The following INIP variants were observed in gnomAD, a reference collection of about 807,000 sequenced individuals.
The protein encoded by INIP is INTS3 and NABP interacting protein.
A neutral mutation model predicts 14.0 loss-of-function variants in INIP; 9 were observed. The ratio of observed to expected loss-of-function variants is 0.64; its 90% CI spans 0.39 to 1.12. The LOEUF (loss-of-function observed/expected upper bound fraction) is 1.12, where lower values mean the gene tolerates loss of function less well. INIP is among the 50% of genes most tolerant of loss of function. The pLI is 0.01. For synonymous variants in INIP, 37 were observed against 41.5 expected (o/e 0.89, Z 0.41); for missense variants, 78 against 122.7 (o/e 0.64, Z 1.72).
chr9:112,689,746 T>C, intron 3 of INIP, 129 bp from the exon 4 acceptor site: 1 of 623,140 alleles, frequency 1.6e-6, no homozygotes, highest in Non-Finnish European at 2.9e-6. Context: ...ATACTTCCAG[T>C]GTACAATATG....
chr9:112,707,261 A>G (rs1223964494), intron 2 of INIP, among the ~76,000 whole-genome samples: 1 of 149,188 alleles, frequency 6.7e-6, no homozygotes, highest in Admixed American at 6.7e-5. Context: ...TTTTTTTTTA[A>G]ACCAAGCCAT....
rs376602600 is a variant in INIP at position 112,706,152 on chromosome 9, TATC to T, written c.25+10306_25+10308del. On this transcript the variant is annotated intron_variant, in intron 2 of 4. Transcript: ENST00000374242. ...AATGCAAATCAAAACTACAGTGAGA[TATC>T]ATCTCACCTCAGTCAAAATGGCTTT... Among the ~76,000 whole-genome samples, 382 of 152,326 alleles carry T rather than the reference TATC, an allele frequency of 2.5e-3. 2 individuals carry two copies. In the South Asian group the frequency reaches 0.027, roughly 11 times the overall value.
intron 2 of INIP, among the ~76,000 whole-genome samples, chr9:112,698,663 C>T (rs1838187221): frequency 6.6e-5 from 10 of 152,212 alleles, no homozygotes; most frequent in Admixed American, 5.9e-4. Context: ...TGTACCCCAA[C>T]CCTGACCCCA....
intron 2 of INIP, among the ~76,000 whole-genome samples, chr9:112,696,976 A>G (rs540419440): frequency 1.3e-5 from 2 of 152,258 alleles, no homozygotes; most frequent in Non-Finnish European, 2.9e-5. Flanking sequence ...TCCATTACAT[A>G]GGCATGATTG....
intron 2 of INIP, among the ~76,000 whole-genome samples, chr9:112,715,990 A>G (rs896464865): frequency 4.7e-4 from 72 of 152,174 alleles, no homozygotes; most frequent in African/African-American, 1.7e-3. Flanking sequence ...ACCATCCTAT[A>G]AGCAGTCTGT....
intron 2 of INIP, among the ~76,000 whole-genome samples, chr9:112,699,525 A>T (rs1838218299): frequency 6.6e-6 from 1 of 152,140 alleles, no homozygotes; most frequent in African/African-American, 2.4e-5. Flanking sequence ...ATAATTGTTA[A>T]TTGTATTATT....
At chr9:112,705,334 G>A (rs965416718) in intron 2 of INIP, among the ~76,000 whole-genome samples, 1 of 151,888 alleles carries the variant, frequency 6.6e-6, no homozygotes, top group African/African-American at 2.4e-5. Context: ...TTTGAGACAA[G>A]GTCTCGCTCT....
chr9:112,713,564 A>T (rs953528860), intron 2 of INIP, among the ~76,000 whole-genome samples: 1 of 152,140 alleles, frequency 6.6e-6, no homozygotes, highest in African/African-American at 2.4e-5. Context: ...ATGGTGATGC[A>T]TGCATGCAGT....
At chr9:112,694,049 TG>T (rs1837990050) in intron 3 of INIP, 81 bp downstream of exon 3, 8 of 885,570 alleles carry the variant, frequency 9.0e-6, no homozygotes, top group Non-Finnish European at 1.2e-5. Context: ...CACTCCAGCC[TG>T]GGGGACAGGG....
intron 3 of INIP, 80 bp from the exon 4 acceptor site, chr9:112,689,697 C>CT (rs1186179515): frequency 5.3e-5 from 56 of 1,059,868 alleles, no homozygotes; most frequent in Non-Finnish European, 6.5e-5. Context: ...AAATTATCTT[C>CT]TTTTTTTTAA....
intron 2 of INIP, among the ~76,000 whole-genome samples, chr9:112,715,393 C>T (rs1276548403): frequency 6.6e-6 from 1 of 152,168 alleles, no homozygotes; most frequent in Non-Finnish European, 1.5e-5. Flanking sequence ...TTCAATAATA[C>T]ATTAACCTTA....
In INIP at chr9:112,685,474, G is replaced by A. The variant is rs183946656; in HGVS notation, c.*2064C>T. 1 of 151,996 alleles carries A rather than the reference G, an allele frequency of 6.6e-6. No homozygotes were observed. Among genetic ancestry groups the A allele is most frequent in the Non-Finnish European group, 1.5e-5 (1 of 68,014 alleles). The allele number at this position is 151,996 out of a possible 1,614,324, so 9.4% of individuals were successfully genotyped here. On this transcript the variant is annotated 3_prime_UTR_variant, in exon 5 of 5. Transcript: ENST00000374242. Reference sequence around the variant, plus strand: ...TTGAATTTGTAACTCAAAGCAGAGGGGTGGAGAGAAGTGCTTCCTAGCCAG... The same window carrying A: ...TTGAATTTGTAACTCAAAGCAGAGGAGTGGAGAGAAGTGCTTCCTAGCCAG...
intron 1 of INIP, among the ~76,000 whole-genome samples, chr9:112,717,238 A>G (rs1371137845): frequency 6.6e-6 from 1 of 152,214 alleles, no homozygotes; most frequent in Non-Finnish European, 1.5e-5. Flanking sequence ...ACACATACCC[A>G]AAAACTACTG....
At chr9:112,717,770 G>A (rs1350636958) in intron 1 of INIP, among the ~76,000 whole-genome samples, 1 of 152,196 alleles carries the variant, frequency 6.6e-6, no homozygotes, top group African/African-American at 2.4e-5. Context: ...CTTGTGACAG[G>A]GTAGACTGGC....
At chr9:112,714,163 C>T (rs1838735066) in intron 2 of INIP, among the ~76,000 whole-genome samples, 1 of 152,038 alleles carries the variant, frequency 6.6e-6, no homozygotes, top group Admixed American at 6.6e-5. Context: ...ACTACTGATC[C>T]ATGCACAATA....
At chr9:112,697,457 G>A (rs1034296157) in intron 2 of INIP, among the ~76,000 whole-genome samples, 1 of 152,170 alleles carries the variant, frequency 6.6e-6, no homozygotes, top group Non-Finnish European at 1.5e-5. Context: ...GGTGGCATGT[G>A]CCTGTAGGCT....
chr9:112,715,727 C>T lies in INIP; in HGVS notation c.25+734G>A, dbSNP rs376973251. 3.9e-3 allele frequency among the ~76,000 whole-genome samples: 581 copies of T among 149,868 alleles called. 14 individuals carry two copies. In the South Asian group the frequency reaches 0.069, roughly 18 times the overall value. ...GGCAGAGGTTGCAGTGAGCCAAGAT[C>T]ATGCCATTGCACTCCAGCCTGGGCA... On this transcript the variant is annotated intron_variant, in intron 2 of 4. Transcript: ENST00000374242.
chr9:112,708,292 T>G (rs913238093), intron 2 of INIP, among the ~76,000 whole-genome samples: 3 of 151,990 alleles, frequency 2.0e-5, no homozygotes, highest in African/African-American at 7.3e-5. Context: ...AAAGTAGGGG[T>G]GAGGAACAAA....
At chr9:112,716,141 C>T (rs1030986000) in intron 2 of INIP, among the ~76,000 whole-genome samples, 3 of 152,230 alleles carry the variant, frequency 2.0e-5, no homozygotes, top group East Asian at 1.9e-4. Context: ...GGTGCAATCT[C>T]GGCTCACTGC....
Sources: gnomAD v4.1 joint callset for allele counts (sites outside exome capture counted in the v4.1 genomes callset) on GRCh38, gnomAD v4.1.1 for gene constraint, MANE v1.5 for transcripts, NCBI Gene and HGNC (gene_info 2026-07-23, HGNC 2026-07-21) for gene names.